Variants in MRTFB observed in about 807,000 individuals in gnomAD.
The protein encoded by MRTFB is myocardin-related transcription factor B.
In MRTFB, 29 loss-of-function variants were observed where a neutral mutation model predicts 104.2. That is an observed-to-expected ratio of 0.28 (90% CI 0.21 to 0.38). The LOEUF is 0.38. MRTFB is among the 10% of genes least tolerant of loss of function. The probability of loss-of-function intolerance (pLI) is 1.00; values close to 1 mark genes in which losing one functional copy is unlikely to be tolerated. For missense variants in MRTFB, 1,270 were observed against 1,341.6 expected (o/e 0.95, Z 0.83); for synonymous variants, 535 against 519.5 (o/e 1.03, Z -0.41).
At chr16:14,095,009 A>C (rs1421166022) in intron 2 of MRTFB, among the ~76,000 whole-genome samples, 3 of 152,246 alleles carry the variant, frequency 2.0e-5, no homozygotes. Flanking sequence ...CAGGAATAAT[A>C]ATAGCACTGC....
At position 14,218,896 on chromosome 16, in the gene MRTFB, G is replaced by T; in HGVS notation, c.591G>T (p.Pro197=). ...FDEDSSDALS[P]DQPASQESQG... Reference sequence around the variant, plus strand: ...AAGACAGCAGTGACGCTTTGTCTCCGGACCAGCCTGCGAGTCAGGAGTCAC... The same window carrying T: ...AAGACAGCAGTGACGCTTTGTCTCCTGACCAGCCTGCGAGTCAGGAGTCAC... The change falls in exon 8 of 17, where the codon CCG becomes CCT. Residue 197 remains proline (P), a synonymous_variant. Transcript: ENST00000571589. The T allele has an allele frequency of 1.2e-6, 2 of 1,613,998 alleles. No individual in the cohort carries two copies. The highest frequency in any genetic ancestry group is 1.7e-6 in the Non-Finnish European group (2 of 1,179,980).
chr16:14,099,968 C>T (rs1396947116), intron 2 of MRTFB, among the ~76,000 whole-genome samples: 1 of 152,130 alleles, frequency 6.6e-6, no homozygotes, highest in Non-Finnish European at 1.5e-5. Flanking sequence ...CCCAGCCATT[C>T]TGCATCTTTT....
the MRTFB span, among the ~76,000 whole-genome samples, chr16:14,029,445 T>TACAC: frequency 7.9e-3 from 681 of 85,938 alleles, 19 homozygotes; most frequent in African/African-American, 0.018. Context: ...TATATATATA[T>TACAC]ACACACACAC....
chr16:14,054,762 C>G, the MRTFB span, among the ~76,000 whole-genome samples: 1 of 152,240 alleles, frequency 6.6e-6, no homozygotes, highest in South Asian at 2.1e-4. Flanking sequence ...TATTATTGAA[C>G]GAAGCTCCCC....
chr16:14,240,637 G>C (rs1459742839), intron 10 of MRTFB, 153 bp downstream of exon 10: 2 of 1,289,994 alleles, frequency 1.6e-6, no homozygotes, highest in African/African-American at 2.9e-5. Context: ...AGTGTCTGAA[G>C]TCCACATGGT....
chr16:14,036,940 A>G, the MRTFB span, among the ~76,000 whole-genome samples: 54 of 147,218 alleles, frequency 3.7e-4, no homozygotes, highest in South Asian at 4.7e-3. Context: ...TAGCTTGTCA[A>G]GTTCACACTG....
At chr16:14,203,513 G>T (rs762852351) in intron 3 of MRTFB, among the ~76,000 whole-genome samples, 2 of 152,060 alleles carry the variant, frequency 1.3e-5, no homozygotes, top group African/African-American at 2.4e-5. Context: ...CCTTTAGGGG[G>T]AAAAGGCACT....
In MRTFB at chr16:14,177,949, G is replaced by A. The variant is rs1036501340; in HGVS notation, c.155-32294G>A. Among the ~76,000 whole-genome samples, 54 of 150,398 alleles carry A rather than the reference G, an allele frequency of 3.6e-4. No homozygotes were observed. The highest frequency in any genetic ancestry group is 1.2e-3 in the African/African-American group (51 of 40,952). ...GTGTGTGTGTGTGCACGCATTGGTG[G>A]GTGTTTAGAGTTAATAATTGATGCC... On this transcript the variant is annotated intron_variant, in intron 3 of 16. Transcript: ENST00000571589. This position sits in a 1 kb window ranked among gnomAD's most constrained non-coding sequence, Gnocchi z 4.7.
upstream of MRTFB, among the ~76,000 whole-genome samples, chr16:14,070,801 A>G (rs1013561997): frequency 6.6e-6 from 1 of 152,250 alleles, no homozygotes; most frequent in African/African-American, 2.4e-5. Context: ...GCTGGGCATC[A>G]GACAACCCCA....
rs1021914152 is a variant in MRTFB, at chr16:14,266,630, G to T, written c.*5186G>T. ...CATTTTGCACATGTACTGTACATAA[G>T]TAATGCATACTGTATTTTTATATGT... On this transcript the variant is annotated 3_prime_UTR_variant, in exon 17 of 17. Transcript: ENST00000571589. The T allele has an allele frequency of 2.6e-5, 4 of 152,188 alleles. No individual in the cohort carries two copies. Among genetic ancestry groups the T allele is most frequent in the Non-Finnish European group, 5.9e-5 (4 of 68,040 alleles). The allele number at this position is 152,188 out of a possible 1,614,324, so 9.4% of individuals were successfully genotyped here.
the MRTFB span, among the ~76,000 whole-genome samples, chr16:14,060,974 G>A: frequency 0.027 from 4,160 of 152,090 alleles, 78 homozygotes; most frequent in Middle Eastern, 0.082. Context: ...GTGAAACCCT[G>A]TCTCTACTAA....
At chr16:13,998,696 A>G in the MRTFB span, among the ~76,000 whole-genome samples, 2 of 151,380 alleles carry the variant, frequency 1.3e-5, no homozygotes, top group Admixed American at 1.3e-4. Flanking sequence ...GAAGAGGAAG[A>G]GGGAAGAAGG....
Position 14,247,129 on chromosome 16 carries a change from TTCTG to T in MRTFB, c.1872_1875del (p.Val625SerfsTer31). On this transcript the variant is annotated frameshift_variant, in exon 12 of 17. Transcript: ENST00000571589. LOFTEE classifies it high-confidence loss of function. ...AAGCCCAGCCCAGTGCCCCAGGTCA[TTCTG>T]TCAAGTCAGATCAGAAGCACGGCAG... The T allele has an allele frequency of 6.2e-7, 1 of 1,614,140 alleles. No homozygotes were observed. The highest frequency in any genetic ancestry group is 8.5e-7 in the Non-Finnish European group (1 of 1,180,030).
intron 8 of MRTFB, among the ~76,000 whole-genome samples, chr16:14,226,511 A>C (rs1279113321): frequency 6.6e-6 from 1 of 152,234 alleles, no homozygotes; most frequent in African/African-American, 2.4e-5. Context: ...ACCTTTACCT[A>C]ACATCGTAGG....
Position 14,247,092 on chromosome 16 carries a change from A to C in MRTFB, c.1832A>C (p.Gln611Pro), listed in dbSNP as rs1218478784. 1.9e-6 allele frequency: 3 copies of C among 1,614,196 alleles called. No homozygotes were observed. The highest frequency in any genetic ancestry group is 2.2e-5 in the East Asian group (1 of 44,886). Residue 611 changes from glutamine (Q) to proline (P), a missense_variant, in exon 12 of 17, where the codon CAG (glutamine) becomes CCG (proline). Gln to Pro is a moderately conservative substitution (Grantham distance 76, BLOSUM62 -1). Transcript: ENST00000571589. Reference sequence around the variant, plus strand: ...GAGGTTGAAAAACGAGGGCAGCAGCAGCGGCCCCTGGAAGCCCAGCCCAGT... The same window carrying C: ...GAGGTTGAAAAACGAGGGCAGCAGCCGCGGCCCCTGGAAGCCCAGCCCAGT... ...QLEVEKRGQQ[Q>P]RPLEAQPSAP... is the part of the protein sequence containing the mutation.
the MRTFB span, among the ~76,000 whole-genome samples, chr16:14,052,001 A>T: frequency 6.6e-6 from 1 of 152,006 alleles, no homozygotes; most frequent in African/African-American, 2.4e-5. Flanking sequence ...TCTTCCTCTC[A>T]CATCAAGTTT....
intron 2 of MRTFB, among the ~76,000 whole-genome samples, chr16:14,136,863 G>C (rs2037748295): frequency 6.6e-6 from 1 of 151,848 alleles, no homozygotes; most frequent in Non-Finnish European, 1.5e-5. Context: ...ACAGTATTAT[G>C]CTGTATTTTT....
chr16:14,061,013 G>A, the MRTFB span, among the ~76,000 whole-genome samples: 1 of 152,130 alleles, frequency 6.6e-6, no homozygotes, highest in African/African-American at 2.4e-5. Context: ...AGGTGTGGTG[G>A]TGGGAGCCTG....
At chr16:14,135,183 T>C (rs2037646379) in intron 2 of MRTFB, among the ~76,000 whole-genome samples, 1 of 152,194 alleles carries the variant, frequency 6.6e-6, no homozygotes, top group African/African-American at 2.4e-5. Context: ...CCTGCCTTGG[T>C]GTTAATGATA....
Sources: gnomAD v4.1 joint callset for allele counts (sites outside exome capture counted in the v4.1 genomes callset) on GRCh38, gnomAD v4.1.1 for gene constraint, Gnocchi (gnomAD v3.1) non-coding constraint, MANE v1.5 for transcripts, NCBI Gene and HGNC (gene_info 2026-07-23, HGNC 2026-07-21) for gene names.